The following RNF213 variants were observed in gnomAD, a reference collection of about 807,000 sequenced individuals.
RNF213 encodes ring finger protein 213.
In RNF213, 341 loss-of-function variants were observed where a neutral mutation model predicts 514.4. The ratio of observed to expected loss-of-function variants is 0.66; its 90% CI spans 0.61 to 0.73. The LOEUF (loss-of-function observed/expected upper bound fraction) is 0.73, where lower values mean the gene tolerates loss of function less well. Among genes scored for constraint, RNF213 ranks in the 30% least tolerant of loss-of-function variants. The pLI is 0.00. For missense variants in RNF213, 5,767 were observed against 6,615.6 expected, an observed-to-expected ratio of 0.87 and a Z score of 4.45; for synonymous variants, 2,655 against 2,658.2, an observed-to-expected ratio of 1.00 and a Z score of 0.04.
chr17:80,301,296 C>T (rs898144553), intron 11 of RNF213, among the ~76,000 whole-genome samples: 9 of 152,066 alleles, frequency 5.9e-5, no homozygotes, highest in South Asian at 2.1e-4. Context: ...AAAGCACAGG[C>T]GACAAAAGTA....
At chr17:80,293,822 G>A (rs2044832671) in intron 8 of RNF213, among the ~76,000 whole-genome samples, 1 of 150,950 alleles carries the variant, frequency 6.6e-6, no homozygotes, top group Non-Finnish European at 1.5e-5. Context: ...GGGAGACTCA[G>A]TCTAAAAAAA....
At chr17:80,350,058 A>T in intron 30 of RNF213, 152 bp downstream of exon 30, 1 of 936,518 alleles carries the variant, frequency 1.1e-6, no homozygotes, top group Middle Eastern at 3.1e-4. Context: ...CATCCCTCTC[A>T]TCTCCATCAT....
At position 80,353,644 on chromosome 17, in the gene RNF213, C is replaced by T; in HGVS notation, c.10556C>T (p.Thr3519Ile). 1 of 1,614,190 alleles carries T rather than the reference C, an allele frequency of 6.2e-7. No individual in the cohort carries two copies. The highest frequency in any genetic ancestry group is 2.2e-5 in the East Asian group (1 of 44,886). The change falls in exon 34 of 68, where the codon ACC becomes ATC. Residue 3519 changes from threonine (T) to isoleucine (I), a missense_variant. Thr to Ile is a moderately conservative substitution (Grantham distance 89). Coordinates refer to ENST00000582970, the MANE Select transcript of RNF213 (RefSeq NM_001256071.3). This position sits in a 1 kb window ranked among gnomAD's most constrained non-coding sequence, Gnocchi z 5.0. The stretch of plus-strand genomic sequence containing the variant: ...AGTTCTGAGAAGGTGGGAAAGGAAA[C>T]CTCTGAACTCGGAGGCAGTGATGTA... Reference protein sequence around the residue: ...TESSEKVGKETSELGGSDVSI... With the variant: ...TESSEKVGKEISELGGSDVSI...
intron 54 of RNF213, 116 bp from the exon 55 acceptor site, chr17:80,379,504 C>A: frequency 1.0e-6 from 1 of 972,244 alleles, no homozygotes. Context: ...CACACTGGGA[C>A]AATCTGAGGG....
intron 2 of RNF213, among the ~76,000 whole-genome samples, chr17:80,267,291 A>G (rs978349628): frequency 6.6e-6 from 1 of 151,934 alleles, no homozygotes; most frequent in African/African-American, 2.4e-5. Context: ...AAATACAAAA[A>G]TTAGCTAGGC....
At chr17:80,385,516 T>TA (rs1312120326) in intron 60 of RNF213, 22 bp from the exon 61 acceptor site, 1 of 1,611,104 alleles carries the variant, frequency 6.2e-7, no homozygotes, top group East Asian at 2.2e-5. Context: ...ATACGGTTCT[T>TA]ACCAAGTATT....
intron 17 of RNF213, among the ~76,000 whole-genome samples, chr17:80,322,145 T>TC (rs58281950): frequency 0.012 from 1,089 of 88,472 alleles, no homozygotes; most frequent in Middle Eastern, 0.03. Context: ...TTGCCCCTCA[T>TC]CCCCCCCACC....
At chr17:80,373,261 CCACACCCCACCCCCT>C in intron 49 of RNF213, 96 bp downstream of exon 49, 1 of 968,628 alleles carries the variant, frequency 1.0e-6, no homozygotes, top group Non-Finnish European at 1.5e-6. Context: ...CCTACCCCCC[CCACACCCCACCCCCT>C]CACACCTTCC....
In RNF213 at chr17:80,327,923, A is replaced by G; in HGVS notation, c.3301A>G (p.Ile1101Val). The change falls in exon 19 of 68, where the codon ATT becomes GTT. Residue 1101 changes from isoleucine to valine, a missense_variant. Around this residue, in one of 13 missense-constraint regions of RNF213, gnomAD observed 516 missense variants for 566.5 expected, o/e 0.91. Transcript: ENST00000582970. Reference protein sequence around the residue: ...KVVGDLLSGTILVGQLELIIK... With the variant: ...KVVGDLLSGTVLVGQLELIIK... ...TGTTGGTGACCTCCTAAGTGGCACG[A>G]TTTTAGTTGGACAACTGGAGCTGAT... The G allele has an allele frequency of 1.3e-6, 2 of 1,537,260 alleles. No individual in the cohort carries two copies. Among genetic ancestry groups the G allele is most frequent in the Non-Finnish European group, 1.7e-6 (2 of 1,146,910 alleles).
intron 2 of RNF213, among the ~76,000 whole-genome samples, chr17:80,269,797 T>TCTAC (rs1426857530): frequency 6.6e-6 from 1 of 152,244 alleles, no homozygotes; most frequent in Admixed American, 6.5e-5. Flanking sequence ...TATCTACCTG[T>TCTAC]CTACCTACCT....
chr17:80,305,205 T>C (rs548331570), intron 11 of RNF213, among the ~76,000 whole-genome samples: 6 of 143,296 alleles, frequency 4.2e-5, no homozygotes, highest in Non-Finnish European at 7.7e-5. Flanking sequence ...TTTGAGACAG[T>C]TTTGGTCTCA....
intron 3 of RNF213, among the ~76,000 whole-genome samples, chr17:80,279,452 T>G (rs12600732): frequency 6.6e-6 from 1 of 151,996 alleles, no homozygotes; most frequent in Non-Finnish European, 1.5e-5. Flanking sequence ...TTTTTCTCTT[T>G]TTCTTTTCTT....
intron 57 of RNF213, 133 bp downstream of exon 57, chr17:80,381,860 G>C (rs2080019997): frequency 2.3e-6 from 2 of 886,234 alleles, no homozygotes; most frequent in East Asian, 5.3e-5. Flanking sequence ...AAGAATGAGA[G>C]AACACACAGA....
intron 1 of RNF213, among the ~76,000 whole-genome samples, chr17:80,261,317 G>T (rs2043410046): frequency 6.6e-6 from 1 of 152,230 alleles, no homozygotes; most frequent in South Asian, 2.1e-4. Context: ...TGGCAACAAC[G>T]GAAAAGTGAA....
intron 41 of RNF213, 122 bp from the exon 42 acceptor site, chr17:80,364,311 A>G: frequency 7.2e-7 from 1 of 1,380,414 alleles, no homozygotes; most frequent in Non-Finnish European, 1.0e-6. Flanking sequence ...CTTGCTTGTA[A>G]TCCCAGCCGC....
chr17:80,355,549 A>T (rs1255866981), intron 36 of RNF213, among the ~76,000 whole-genome samples: 2 of 74,130 alleles, frequency 2.7e-5, no homozygotes, highest in African/African-American at 1.1e-4. Context: ...GTGGACGGGA[A>T]TGGGGGCTTA....
intron 3 of RNF213, among the ~76,000 whole-genome samples, chr17:80,281,770 G>A (rs1322367510): frequency 6.6e-6 from 1 of 152,066 alleles, no homozygotes; most frequent in Non-Finnish European, 1.5e-5. Flanking sequence ...CGCGGAGGAC[G>A]CCAAAATCCA....
rs908652657 is a variant in RNF213 at position 80,278,716 on chromosome 17, G to A, written c.261+5312G>A. ...CTTTGCGAGTCTACTGGAGCTGTGC[G>A]TGGGGTGCACAGCCCTGCCCTGTCT... On this transcript the variant is annotated intron_variant, in intron 3 of 67. Coordinates refer to ENST00000582970, the MANE Select transcript of RNF213 (RefSeq NM_001256071.3). The A allele has an allele frequency of 1.0e-5, 16 of 1,532,310 alleles. 1 individual carries two copies. The highest frequency in any genetic ancestry group is 1.7e-4 in the Middle Eastern group (1 of 5,952). 94.9% of individuals were successfully genotyped at this position (1,532,310 alleles called of 1,614,324 possible).
rs958688832 is a variant in RNF213, at chr17:80,343,054, C to G, written c.5990-78C>G. 1.7e-6 allele frequency: 2 copies of G among 1,192,384 alleles called. No individual in the cohort carries two copies. The highest frequency in any genetic ancestry group is 2.5e-6 in the Non-Finnish European group (2 of 805,032). The allele number at this position is 1,192,384 out of a possible 1,614,324, so 73.9% of individuals were successfully genotyped here. The stretch of plus-strand genomic sequence containing the variant: ...AACTCCTGACCTCAAGTGATCCCCC[C>G]GCCTCGGCCTCCCAAAGTGCTAGGA... On this transcript the variant is annotated intron_variant, in intron 26 of 67. Coordinates refer to ENST00000582970, the MANE Select transcript of RNF213 (RefSeq NM_001256071.3). This position sits in a 1 kb window ranked among gnomAD's most constrained non-coding sequence, Gnocchi z 4.3.
Sources: allele counts gnomAD v4.1 joint callset (sites outside exome capture counted in the v4.1 genomes callset), GRCh38; gene constraint gnomAD v4.1.1; regional missense constraint gnomAD v4.1.1; non-coding constraint Gnocchi (gnomAD v3.1); transcripts MANE v1.5; gene names NCBI Gene and HGNC (gene_info 2026-07-23, HGNC 2026-07-21).